Variants in SORCS3 observed in about 807,000 individuals in gnomAD.
SORCS3 encodes the protein sortilin related VPS10 domain containing receptor 3.
In SORCS3, 57 loss-of-function variants were observed where a neutral mutation model predicts 146.3. The observed-to-expected ratio is 0.39, with a 90% CI of 0.31 to 0.49. The LOEUF (loss-of-function observed/expected upper bound fraction) is 0.49. Ranked by LOEUF, SORCS3 falls within the 20% of genes least tolerant of loss-of-function variation. SORCS3 has a pLI of 0.92. For missense variants in SORCS3, 1,341 were observed against 1,575.5 expected (o/e 0.85, Z 2.52); for synonymous variants, 653 against 618.5 (o/e 1.06, Z -0.83).
At chr10:104,717,461 C>T (rs1462631270) in intron 1 of SORCS3, among the ~76,000 whole-genome samples, 1 of 152,174 alleles carries the variant, frequency 6.6e-6, no homozygotes, top group Non-Finnish European at 1.5e-5. Context: ...ACCTAGAGCT[C>T]ACCCACAAGG....
intron 25 of SORCS3, among the ~76,000 whole-genome samples, chr10:105,260,431 T>C (rs771854375): frequency 3.3e-5 from 5 of 152,244 alleles, no homozygotes; most frequent in Admixed American, 6.5e-5. Context: ...TTTTTAATTA[T>C]ACCACATTTA....
intron 4 of SORCS3, among the ~76,000 whole-genome samples, chr10:105,016,153 A>T (rs865919087): frequency 0.013 from 1,297 of 101,386 alleles, 22 homozygotes; most frequent in African/African-American, 0.037. Flanking sequence ...ATATATATAT[A>T]TATTTTTTTT....
chr10:104,814,892 A>G (rs1271333696), intron 1 of SORCS3, among the ~76,000 whole-genome samples: 1 of 152,182 alleles, frequency 6.6e-6, no homozygotes, highest in Non-Finnish European at 1.5e-5. Context: ...TATTACAAAT[A>G]TAATTGGTAG....
At chr10:105,206,370 T>G (rs999411441) in intron 16 of SORCS3, among the ~76,000 whole-genome samples, 1 of 152,162 alleles carries the variant, frequency 6.6e-6, no homozygotes, top group Non-Finnish European at 1.5e-5. Flanking sequence ...GGCTACCATA[T>G]TAGCTTAATA....
intron 4 of SORCS3, among the ~76,000 whole-genome samples, chr10:105,039,316 C>T (rs2055324393): frequency 6.6e-6 from 1 of 152,096 alleles, no homozygotes. Flanking sequence ...TCTCAATCAG[C>T]CTCCAGGAGG....
intron 6 of SORCS3, 145 bp downstream of exon 6, chr10:105,089,984 G>C: frequency 3.1e-6 from 2 of 651,836 alleles, no homozygotes; most frequent in Non-Finnish European, 2.7e-6. Context: ...CCAGAGTAAG[G>C]GTGAGAAGTC....
chr10:104,804,119 G>T (rs1334707373), intron 1 of SORCS3, among the ~76,000 whole-genome samples: 1 of 152,130 alleles, frequency 6.6e-6, no homozygotes, highest in Non-Finnish European at 1.5e-5. Flanking sequence ...ATTTCTTAGG[G>T]CTTTTCAATT....
intron 10 of SORCS3, among the ~76,000 whole-genome samples, chr10:105,158,396 G>A (rs697194): frequency 0.5 from 75,299 of 152,000 alleles, 19,063 homozygotes; most frequent in Middle Eastern, 0.55. Flanking sequence ...AAAATTATAA[G>A]TAAGAACAAA....
chr10:105,130,120 T>C (rs1272456400), intron 7 of SORCS3, among the ~76,000 whole-genome samples: 1 of 151,986 alleles, frequency 6.6e-6, no homozygotes, highest in East Asian at 1.9e-4. Flanking sequence ...TATTGAATTA[T>C]ATTTGATCCT....
intron 7 of SORCS3, among the ~76,000 whole-genome samples, chr10:105,117,794 C>T (rs575411591): frequency 6.6e-6 from 1 of 152,300 alleles, no homozygotes; most frequent in East Asian, 1.9e-4. Context: ...TTGCCAAGTT[C>T]ATCAAAGGTA....
At chr10:105,229,268 C>T (rs1466902457) in intron 20 of SORCS3, among the ~76,000 whole-genome samples, 1 of 151,772 alleles carries the variant, frequency 6.6e-6, no homozygotes, top group Admixed American at 6.6e-5. Context: ...GATTTCTTTT[C>T]CTTGCATTTT....
chr10:105,144,086 T>C (rs2056113732), intron 8 of SORCS3, among the ~76,000 whole-genome samples: 1 of 152,220 alleles, frequency 6.6e-6, no homozygotes, highest in Non-Finnish European at 1.5e-5. Flanking sequence ...TAAAATCTTG[T>C]GATAATTTTG....
chr10:105,220,883 T>G (rs542467392), intron 19 of SORCS3, among the ~76,000 whole-genome samples: 139 of 152,242 alleles, frequency 9.1e-4, no homozygotes, highest in African/African-American at 3.3e-3. Context: ...AAACAAATCA[T>G]ACAAAAATAA....
chr10:104,721,923 A>G lies in SORCS3; in HGVS notation c.627+79969A>G, dbSNP rs183299270. 5.2e-3 allele frequency among the ~76,000 whole-genome samples: 794 copies of G among 152,312 alleles called. 4 individuals carry two copies. Among genetic ancestry groups the G allele is most frequent in the South Asian group, 0.024 (116 of 4,822 alleles). ...AGACATACAGTCATGTCATCTGCAA[A>G]CAGGAACAATTTGACTTCCTCTTTT... On this transcript the variant is annotated intron_variant, in intron 1 of 26. Transcript: ENST00000369701.
Position 104,810,959 on chromosome 10 carries a change from G to A in SORCS3, c.628-31833G>A, listed in dbSNP as rs1254142583. On this transcript the variant is annotated intron_variant, in intron 1 of 26. Coordinates refer to ENST00000369701, the MANE Select transcript of SORCS3 (RefSeq NM_014978.3). The stretch of plus-strand genomic sequence containing the variant: ...TATCATGCATTTTTCAAAACTCATA[G>A]AGATGTATACCACAAAGAGTGAATT... 2.6e-5 allele frequency among the ~76,000 whole-genome samples: 4 copies of A among 152,254 alleles called. No individual in the cohort carries two copies. The East Asian group carries it at 7.7e-4, about 29-fold the overall frequency.
At chr10:105,028,647 T>G (rs960902487) in intron 4 of SORCS3, among the ~76,000 whole-genome samples, 3 of 152,242 alleles carry the variant, frequency 2.0e-5, no homozygotes, top group Admixed American at 1.3e-4. Flanking sequence ...TCCAAAACTT[T>G]ATTTTTTTGT....
chr10:104,783,934 G>A (rs2017403471), intron 1 of SORCS3, among the ~76,000 whole-genome samples: 1 of 152,142 alleles, frequency 6.6e-6, no homozygotes, highest in Non-Finnish European at 1.5e-5. Flanking sequence ...AATCCTAAAT[G>A]CTCTGAGATA....
At chr10:105,052,782 G>A (rs1000106736) in intron 5 of SORCS3, among the ~76,000 whole-genome samples, 1 of 152,064 alleles carries the variant, frequency 6.6e-6, no homozygotes, top group African/African-American at 2.4e-5. Context: ...CAAGGAGAAA[G>A]TACCAAATTG....
intron 4 of SORCS3, among the ~76,000 whole-genome samples, chr10:105,008,939 G>C (rs1176951596): frequency 6.6e-6 from 1 of 152,186 alleles, no homozygotes; most frequent in Non-Finnish European, 1.5e-5. Flanking sequence ...GAGCCACTGT[G>C]ACCAGCTTGA....
Sources: gnomAD v4.1 joint callset for allele counts (sites outside exome capture counted in the v4.1 genomes callset) on GRCh38, gnomAD v4.1.1 for gene constraint, MANE v1.5 for transcripts, NCBI Gene and HGNC (gene_info 2026-07-23, HGNC 2026-07-21) for gene names.